The following LIN54 variants were observed in gnomAD, a reference collection of about 807,000 sequenced individuals.
LIN54 encodes the protein lin-54 DREAM MuvB core complex component.
Under a neutral mutation model 78.7 loss-of-function variants are expected in LIN54, and 9 were observed. That is an observed-to-expected ratio of 0.11 (90% CI 0.07 to 0.20). LIN54 has a LOEUF of 0.20. LIN54 is among the 10% of genes least tolerant of loss of function. The pLI is 1.00. For synonymous variants in LIN54, 269 were observed against 318.4 expected (o/e 0.84, Z 1.65); for missense variants, 573 against 889.9 (o/e 0.64, Z 4.53).
chr4:83,000,827 C>CT (rs1553959274), intron 1 of LIN54, among the ~76,000 whole-genome samples: 1 of 120,540 alleles, frequency 8.3e-6, no homozygotes, highest in Non-Finnish European at 1.6e-5. Context: ...GCAATAAATT[C>CT]TTTTTTTTTT....
rs561231131 is a variant in LIN54, at chr4:82,960,288, G to C, written c.951+10039C>G. On this transcript the variant is annotated intron_variant, in intron 4 of 12. Coordinates refer to ENST00000340417, the MANE Select transcript of LIN54 (RefSeq NM_194282.4). ...AGCCATCCTCCTGCCTCAAACTCAC[G>C]AGTAGCTAGGACACTACAGGCACAC... Among the ~76,000 whole-genome samples, 58 of 146,958 alleles carry C rather than the reference G, an allele frequency of 3.9e-4. No homozygotes were observed. The East Asian group carries it at 0.012, about 29-fold the overall frequency.
At chr4:82,962,253 C>A in intron 4 of LIN54, among the ~76,000 whole-genome samples, 1 of 152,130 alleles carries the variant, frequency 6.6e-6, no homozygotes, top group Non-Finnish European at 1.5e-5. Context: ...CCCAATCCCA[C>A]AGAACCAAAG....
At chr4:83,011,400 C>A (rs1268727812), upstream of LIN54, among the ~76,000 whole-genome samples, 1 of 152,172 alleles carries the variant, frequency 6.6e-6, no homozygotes, top group African/African-American at 2.4e-5. Context: ...CTTAATTTAT[C>A]TGGTCATTTC....
At chr4:82,935,710 C>T (rs1316677059) in intron 11 of LIN54, among the ~76,000 whole-genome samples, 4 of 152,126 alleles carry the variant, frequency 2.6e-5, no homozygotes, top group African/African-American at 9.7e-5. Context: ...TATTGGTGTT[C>T]TGATCTGCAT....
At chr4:82,977,483 C>T (rs535580732) in intron 3 of LIN54, among the ~76,000 whole-genome samples, 1 of 152,294 alleles carries the variant, frequency 6.6e-6, no homozygotes, top group African/African-American at 2.4e-5. Context: ...TCACCTAACA[C>T]TGCTTTCACA....
intron 4 of LIN54, among the ~76,000 whole-genome samples, chr4:82,963,199 A>G (rs1465158111): frequency 6.6e-6 from 1 of 152,170 alleles, no homozygotes; most frequent in Non-Finnish European, 1.5e-5. Context: ...AATAAATGAC[A>G]TCTTTAAAGT....
intron 4 of LIN54, among the ~76,000 whole-genome samples, chr4:82,966,450 C>A (rs76842675): frequency 2.0e-5 from 3 of 150,256 alleles, no homozygotes; most frequent in African/African-American, 7.4e-5. Flanking sequence ...CATCTACCTC[C>A]TATTAAAAAA....
At chr4:82,954,399 A>ATCAT (rs71668617) in intron 4 of LIN54, among the ~76,000 whole-genome samples, 2 of 145,310 alleles carry the variant, frequency 1.4e-5, no homozygotes, top group African/African-American at 5.1e-5. Context: ...TTTATATGAG[A>ATCAT]TTATTTATTT....
intron 1 of LIN54, among the ~76,000 whole-genome samples, chr4:82,987,691 C>G (rs1242943481): frequency 6.6e-6 from 1 of 152,226 alleles, no homozygotes; most frequent in Non-Finnish European, 1.5e-5. Context: ...TCATCCATGT[C>G]TCTGCAGAGG....
At chr4:82,964,731 A>C (rs1390232448) in intron 4 of LIN54, among the ~76,000 whole-genome samples, 1 of 151,988 alleles carries the variant, frequency 6.6e-6, no homozygotes, top group Non-Finnish European at 1.5e-5. Context: ...GAAAAAAAAG[A>C]AAAAAATTTA....
intron 1 of LIN54, among the ~76,000 whole-genome samples, chr4:82,998,440 G>A (rs909142389): frequency 2.6e-5 from 4 of 152,012 alleles, no homozygotes; most frequent in African/African-American, 9.7e-5. Context: ...CTACTCAGGA[G>A]GCTGAGGCAG....
intron 5 of LIN54, among the ~76,000 whole-genome samples, chr4:82,943,525 T>C (rs1723107221): frequency 6.6e-6 from 1 of 152,234 alleles, no homozygotes; most frequent in Non-Finnish European, 1.5e-5. Context: ...TGTATTTAAC[T>C]TGTTATTCCT....
chr4:82,986,127 G>A (rs1238288306), intron 1 of LIN54, among the ~76,000 whole-genome samples: 2 of 151,876 alleles, frequency 1.3e-5, no homozygotes, highest in Admixed American at 6.6e-5. Flanking sequence ...CTTCCTTTTC[G>A]TTTTTGAGAC....
intron 2 of LIN54, among the ~76,000 whole-genome samples, chr4:82,980,196 G>A (rs781566064): frequency 1.3e-5 from 2 of 151,828 alleles, no homozygotes; most frequent in African/African-American, 4.8e-5. Context: ...TTTATATTGC[G>A]ATTATCACCA....
At chr4:82,947,233 A>ATTTTTTTTTTTTTTTTTTTT (rs1233101387) in intron 4 of LIN54, among the ~76,000 whole-genome samples, 1 of 16,860 alleles carries the variant, frequency 5.9e-5, no homozygotes, top group African/African-American at 1.5e-4. Context: ...ATATATATAT[A>ATTTTTTTTTTTTTTTTTTTT]TATTTTTTTT....
chr4:82,959,873 T>C (rs1208354642), intron 4 of LIN54, among the ~76,000 whole-genome samples: 1 of 152,158 alleles, frequency 6.6e-6, no homozygotes, highest in Admixed American at 6.5e-5. Flanking sequence ...TTCTGAGTCT[T>C]ATACCAAAAA....
intron 1 of LIN54, among the ~76,000 whole-genome samples, chr4:82,997,919 A>G (rs893203176): frequency 6.6e-6 from 1 of 150,672 alleles, no homozygotes. Flanking sequence ...ACTTGAACTC[A>G]GGAGGCAGAG....
rs189674948 is a variant in LIN54 at position 82,928,345 on chromosome 4, A to G, written c.2049-42T>C. The G allele has an allele frequency of 4.8e-6, 7 of 1,460,116 alleles. No homozygotes were observed. The Admixed American group carries it at 6.7e-5, about 14-fold the overall frequency. The allele number at this position is 1,460,116 out of a possible 1,614,324, so 90.4% of individuals were successfully genotyped here. On this transcript the variant is annotated intron_variant, in intron 12 of 12. Coordinates refer to ENST00000340417, the MANE Select transcript of LIN54 (RefSeq NM_194282.4). ...AAGAGAAAGATGATGGTGGTGTTAA[A>G]TAACAACAAAAGTGGATAACATTCT...
intron 8 of LIN54, among the ~76,000 whole-genome samples, chr4:82,938,055 C>T (rs187362797): frequency 1.3e-5 from 2 of 152,226 alleles, no homozygotes; most frequent in Non-Finnish European, 2.9e-5. Context: ...TTGCTTGAGC[C>T]TGGGAGGTTG....
Sources: allele counts gnomAD v4.1 joint callset (sites outside exome capture counted in the v4.1 genomes callset), GRCh38; gene constraint gnomAD v4.1.1; transcripts MANE v1.5; gene names NCBI Gene and HGNC (gene_info 2026-07-23, HGNC 2026-07-21).